The following RNF128 variants were observed in gnomAD, a reference collection of about 807,000 sequenced individuals.
RNF128 encodes ring finger protein 128.
RNF128 carries 13 observed loss-of-function variants against 26.2 expected under a neutral mutation model. The observed-to-expected ratio is 0.50, with a 90% CI of 0.32 to 0.79. The LOEUF is 0.79. Ranked by LOEUF, RNF128 falls within the 30% of genes least tolerant of loss-of-function variation. RNF128 has a pLI of 0.03. For synonymous variants in RNF128, 149 were observed against 142.5 expected (o/e 1.05, Z -0.32); for missense variants, 315 against 349.7 (o/e 0.90, Z 0.79).
chrX:106,714,271 T>TTA (rs1174758612), intron 1 of RNF128, among the ~76,000 whole-genome samples: 1 of 111,720 alleles, frequency 9.0e-6, no homozygotes, highest in Non-Finnish European at 1.9e-5. Flanking sequence ...TGATTTTTTT[T>TTA]TATGTTTTAA....
chrX:106,750,127 G>T (rs1466645784), intron 1 of RNF128, among the ~76,000 whole-genome samples: 3 of 111,524 alleles, frequency 2.7e-5, no homozygotes, highest in Non-Finnish European at 5.6e-5. Flanking sequence ...TGGTGAGCTT[G>T]TTCAGTCAGT....
chrX:106,743,341 T>A (rs189607992), intron 1 of RNF128, among the ~76,000 whole-genome samples: 1 of 112,452 alleles, frequency 8.9e-6, no homozygotes, highest in African/African-American at 3.2e-5. Context: ...CAACTGACTT[T>A]TTTGTTATTG....
intron 5 of RNF128, 66 bp from the exon 6 acceptor site, chrX:106,791,000 G>A: frequency 9.8e-7 from 1 of 1,015,845 alleles, no homozygotes; most frequent in Non-Finnish European, 1.3e-6. Flanking sequence ...AAGAAACTTT[G>A]AAGTGATATG....
At chrX:106,756,294 A>G (rs1235401268) in intron 1 of RNF128, among the ~76,000 whole-genome samples, 2 of 111,457 alleles carry the variant, frequency 1.8e-5, no homozygotes, top group African/African-American at 6.5e-5. Context: ...TCCTAAACCA[A>G]AAGAACAAAG....
rs780947727 is a variant in RNF128 at position 106,791,066 on chromosome X, G to A, written c.985G>A (p.Val329Met). 1 of 1,204,592 alleles carries A rather than the reference G, an allele frequency of 8.3e-7. No individual in the cohort carries two copies. The highest frequency in any genetic ancestry group is 1.1e-6 in the Non-Finnish European group (1 of 890,666). Residue 329 changes from valine (V) to methionine (M), a missense_variant and splice_region_variant, in exon 6 of 7, where the codon GTG (valine) becomes ATG (methionine). Coordinates refer to ENST00000255499, the MANE Select transcript of RNF128 (RefSeq NM_194463.2). ...TTAATTTGTTACATGTTCTTTAAAG[G>A]TGGATGTTGAAGATGGATCAGTGTC... ...CDILKALGIE[V>M]DVEDGSVSLQ...
chrX:106,789,084 T>C (rs1280359826), intron 4 of RNF128, among the ~76,000 whole-genome samples: 1 of 85,637 alleles, frequency 1.2e-5, no homozygotes, highest in Non-Finnish European at 2.2e-5. Flanking sequence ...ATATACTATA[T>C]AGTATATAGT....
intron 1 of RNF128, among the ~76,000 whole-genome samples, chrX:106,758,453 A>G (rs190866058): frequency 1.8e-5 from 2 of 111,844 alleles, no homozygotes; most frequent in East Asian, 5.6e-4. Context: ...ATATGAAACC[A>G]CAGAAGACCC....
exon 1 of RNF128, chrX:106,693,954 T>C (rs756248957): frequency 3.7e-6 from 4 of 1,090,428 alleles, no homozygotes; most frequent in East Asian, 6.0e-5. Context: ...TGACTGATAG[T>C]TGGAAATATC....
At chrX:106,706,235 C>T (rs974253295) in intron 1 of RNF128, among the ~76,000 whole-genome samples, 2 of 111,276 alleles carry the variant, frequency 1.8e-5, no homozygotes, top group African/African-American at 6.5e-5. Context: ...TTAGGGAGAG[C>T]AAGTTCTGGC....
intron 1 of RNF128, among the ~76,000 whole-genome samples, chrX:106,758,861 C>T (rs1414637380): frequency 9.0e-6 from 1 of 111,401 alleles, no homozygotes; most frequent in African/African-American, 3.3e-5. Context: ...CTCTCCAGGA[C>T]ATTGGACTGA....
chrX:106,791,166 C>T lies in RNF128; in HGVS notation c.1085C>T (p.Ala362Val), dbSNP rs761358178. The change falls in exon 6 of 7, where the codon GCA becomes GTA. Residue 362 changes from alanine to valine, a missense_variant. Transcript: ENST00000255499. ...GAAGAGGATAATCGCAGCGAGACCG[C>T]ATCATCTGGATATGCTTCAGTACAG... ...SHEEDNRSET[A>V]SSGYASVQGT... The T allele has an allele frequency of 9.9e-6, 12 of 1,207,765 alleles. No individual in the cohort carries two copies. Among genetic ancestry groups the T allele is most frequent in the African/African-American group, 3.5e-5 (2 of 56,929 alleles).
In RNF128 at chrX:106,796,808, TTTTG is replaced by T. The variant is rs1455368406; in HGVS notation, c.*1099_*1102del. ...GCACTTTATTTGTACTCTGTGTGGC[TTTTG>T]TTTTAGAATTTTGTTCAAATTATAG... is the stretch of plus-strand genomic sequence containing the variant. On this transcript the variant is annotated 3_prime_UTR_variant, in exon 7 of 7. Coordinates refer to ENST00000255499, the MANE Select transcript of RNF128 (RefSeq NM_194463.2). 9.0e-6 allele frequency: 1 copy of T among 111,728 alleles called. No individual in the cohort carries two copies. The highest frequency in any genetic ancestry group is 3.3e-5 in the African/African-American group (1 of 30,662). The allele number at this position is 111,728 out of a possible 1,213,427, so 9.2% of individuals were successfully genotyped here. A position where few individuals can be genotyped will look rare whatever the true frequency, so the allele number is the denominator to read the frequency against.
At chrX:106,716,164 T>C (rs765423132) in intron 1 of RNF128, among the ~76,000 whole-genome samples, 3 of 111,935 alleles carry the variant, frequency 2.7e-5, no homozygotes, top group Non-Finnish European at 5.6e-5. Flanking sequence ...GTCCTGCAGT[T>C]ATCCATGAAA....
At chrX:106,723,294 C>T (rs913357082), upstream of RNF128, among the ~76,000 whole-genome samples, 3 of 111,545 alleles carry the variant, frequency 2.7e-5, no homozygotes, top group South Asian at 3.8e-4. Flanking sequence ...TCTGGCCTGG[C>T]GCGGTGGCTC....
chrX:106,771,772 C>T (rs77221808), intron 1 of RNF128, among the ~76,000 whole-genome samples: 1 of 112,777 alleles, frequency 8.9e-6, no homozygotes, highest in African/African-American at 3.2e-5. Flanking sequence ...GTGAGATGAA[C>T]CCAGTACCTC....
At chrX:106,769,243 C>T (rs1420808590) in intron 1 of RNF128, among the ~76,000 whole-genome samples, 1 of 111,238 alleles carries the variant, frequency 9.0e-6, no homozygotes, top group East Asian at 2.8e-4. Flanking sequence ...CTTGGTGCAG[C>T]GCTAAGTTCA....
chrX:106,694,240 C>A, exon 1 of RNF128: 1 of 1,210,438 alleles, frequency 8.3e-7, no homozygotes, highest in Non-Finnish European at 1.1e-6. Flanking sequence ...AGCTTGTGAC[C>A]ACAACACTGA....
At chrX:106,779,348 CGTGTGTGT>C (rs372716238) in intron 2 of RNF128, among the ~76,000 whole-genome samples, 13 of 90,112 alleles carry the variant, frequency 1.4e-4, no homozygotes, top group East Asian at 3.5e-4. Context: ...TACACAGTTA[CGTGTGTGT>C]GTGTGTGTGT....
chrX:106,734,874 T>C (rs771667233), intron 1 of RNF128, among the ~76,000 whole-genome samples: 2 of 112,053 alleles, frequency 1.8e-5, no homozygotes, highest in Non-Finnish European at 3.8e-5. Context: ...TTCACTGCAC[T>C]GGGGTTATTT....
Sources: allele counts gnomAD v4.1 joint callset (sites outside exome capture counted in the v4.1 genomes callset), GRCh38; gene constraint gnomAD v4.1.1; transcripts MANE v1.5; gene names NCBI Gene and HGNC (gene_info 2026-07-23, HGNC 2026-07-21).